The following RIMS2 variants were observed in gnomAD, a reference collection of about 807,000 sequenced individuals.
RIMS2 encodes regulating synaptic membrane exocytosis protein 2.
Under a neutral mutation model 174.4 loss-of-function variants are expected in RIMS2, and 59 were observed. That is an observed-to-expected ratio of 0.34 (90% CI 0.27 to 0.42). The LOEUF (loss-of-function observed/expected upper bound fraction) is 0.42. RIMS2 is among the 10% of genes least tolerant of loss of function. RIMS2 has a pLI of 1.00. For synonymous variants in RIMS2, 606 were observed against 572.5 expected (o/e 1.06, Z -0.84); for missense variants, 1,620 against 1,666.3 (o/e 0.97, Z 0.48).
intron 19 of RIMS2, among the ~76,000 whole-genome samples, chr8:104,016,905 G>C (rs2154554378): frequency 6.6e-6 from 1 of 151,880 alleles, no homozygotes; most frequent in Non-Finnish European, 1.5e-5. Context: ...TATTGTTTTT[G>C]TCCCTATAAA....
At chr8:104,116,288 T>C (rs1330859785) in intron 19 of RIMS2, among the ~76,000 whole-genome samples, 5 of 152,184 alleles carry the variant, frequency 3.3e-5, no homozygotes, top group Non-Finnish European at 5.9e-5. Flanking sequence ...CTATAAATTG[T>C]GTAGAATACT....
At chr8:103,768,215 ATGAC>A (rs1200418080) in intron 3 of RIMS2, 4 of 411,400 alleles carry the variant, frequency 9.7e-6, no homozygotes, top group Non-Finnish European at 1.8e-5. Flanking sequence ...GAGTGAATGA[ATGAC>A]TAAGTAAAAT....
chr8:103,548,544 A>G (rs895713464), intron 1 of RIMS2, among the ~76,000 whole-genome samples: 1 of 152,204 alleles, frequency 6.6e-6, no homozygotes, highest in African/African-American at 2.4e-5. Context: ...CATCTATGTA[A>G]AACATACAAC....
intron 1 of RIMS2, among the ~76,000 whole-genome samples, chr8:103,687,800 T>C (rs2096960836): frequency 6.6e-6 from 1 of 152,174 alleles, no homozygotes; most frequent in South Asian, 2.1e-4. Context: ...CTTAACATAA[T>C]GTCCTCTGAG....
chr8:103,768,629 G>T, intron 3 of RIMS2: 1 of 991,436 alleles, frequency 1.0e-6, no homozygotes, highest in Admixed American at 1.7e-5. Flanking sequence ...GTAAAAAAAG[G>T]AGATAAAAAT....
At chr8:103,946,656 G>A (rs1319889684) in intron 14 of RIMS2, among the ~76,000 whole-genome samples, 1 of 152,146 alleles carries the variant, frequency 6.6e-6, no homozygotes, top group African/African-American at 2.4e-5. Context: ...GCATGAATTA[G>A]AACACCCAGT....
chr8:104,254,136 TAAG>T (rs1409527345), downstream of RIMS2: 1 of 152,192 alleles, frequency 6.6e-6, no homozygotes, highest in Non-Finnish European at 1.5e-5. Flanking sequence ...CTAATTTTAA[TAAG>T]AAGGACGTGA....
At chr8:103,875,323 C>G (rs1408867901) in intron 3 of RIMS2, among the ~76,000 whole-genome samples, 1 of 151,750 alleles carries the variant, frequency 6.6e-6, no homozygotes, top group Non-Finnish European at 1.5e-5. Context: ...CGTTTTATAC[C>G]CATGGCTTAG....
rs879283630 is a variant in RIMS2, at chr8:103,774,799, A to G, written c.698+8262A>G. 1.5e-4 allele frequency among the ~76,000 whole-genome samples: 23 copies of G among 152,170 alleles called. 2 individuals are homozygous for G. Among genetic ancestry groups the G allele is most frequent in the Admixed American group, 1.2e-3 (19 of 15,276 alleles). ...TTCTGGGGTGATGAAAACCTTCTGTATCTTCATAGGGGTATGGATTACTGG... is the reference window on the plus strand; with the variant it reads ...TTCTGGGGTGATGAAAACCTTCTGTGTCTTCATAGGGGTATGGATTACTGG... On this transcript the variant is annotated intron_variant, in intron 3 of 23. Transcript: ENST00000504942.
At chr8:103,949,411 C>T (rs1053600942) in intron 14 of RIMS2, among the ~76,000 whole-genome samples, 8 of 151,982 alleles carry the variant, frequency 5.3e-5, no homozygotes, top group Non-Finnish European at 1.0e-4. Flanking sequence ...AAACAAGTAT[C>T]GATAAGTTTA....
intron 3 of RIMS2, among the ~76,000 whole-genome samples, chr8:103,852,751 G>A (rs1354320563): frequency 6.6e-6 from 1 of 151,858 alleles, no homozygotes; most frequent in Admixed American, 6.6e-5. Context: ...TCTTTTTTAT[G>A]GCTATGTAGT....
chr8:104,094,412 T>G (rs1598684786), intron 19 of RIMS2: 1 of 580,836 alleles, frequency 1.7e-6, no homozygotes, highest in Non-Finnish European at 3.0e-6. Flanking sequence ...TTCATAAGTG[T>G]TTTTTCTTGA....
intron 1 of RIMS2, among the ~76,000 whole-genome samples, chr8:103,530,745 G>A (rs1836654714): frequency 6.6e-6 from 1 of 151,710 alleles, no homozygotes. Context: ...TAATAATATA[G>A]GCTAAAATAT....
rs148188266 is a variant in RIMS2 at position 103,971,799 on chromosome 8, G to A, written c.2771-3551G>A. Among the ~76,000 whole-genome samples, 306 of 152,266 alleles carry A rather than the reference G, an allele frequency of 2.0e-3. 4 individuals carry two copies. The East Asian group carries it at 0.025, about 12-fold the overall frequency. On this transcript the variant is annotated intron_variant, in intron 15 of 23. Transcript: ENST00000504942. ...TTGGCCAGTCTGGTCTTGAACTCCT[G>A]ACCTCAAGTGATCTTCCCACCTTGG...
intron 19 of RIMS2, among the ~76,000 whole-genome samples, chr8:104,234,920 G>A (rs1341993851): frequency 6.6e-6 from 1 of 152,068 alleles, no homozygotes; most frequent in Non-Finnish European, 1.5e-5. Flanking sequence ...TGACAGCTAT[G>A]GTATAGTTTG....
chr8:103,754,123 G>A (rs978899116), intron 2 of RIMS2, among the ~76,000 whole-genome samples: 8 of 152,124 alleles, frequency 5.3e-5, no homozygotes, highest in Admixed American at 2.0e-4. Flanking sequence ...ATTCTGGTAC[G>A]TTGTTTCTTT....
intron 17 of RIMS2, among the ~76,000 whole-genome samples, chr8:103,993,895 A>G (rs139091603): frequency 2.3e-4 from 35 of 151,960 alleles, no homozygotes; most frequent in African/African-American, 8.2e-4. Context: ...AATAAATAAA[A>G]TTAGCCCAGG....
intron 19 of RIMS2, among the ~76,000 whole-genome samples, chr8:104,134,863 A>G (rs1423295372): frequency 6.6e-6 from 1 of 152,120 alleles, no homozygotes; most frequent in African/African-American, 2.4e-5. Context: ...TTCATCCTAA[A>G]TGTGTTGTTC....
At chr8:103,651,269 G>A (rs567288053) in intron 1 of RIMS2, among the ~76,000 whole-genome samples, 11 of 152,320 alleles carry the variant, frequency 7.2e-5, no homozygotes, top group African/African-American at 2.6e-4. Flanking sequence ...TTCTCTGAGG[G>A]TCAAGTTGTT....
Sources: gnomAD v4.1 joint callset for allele counts (sites outside exome capture counted in the v4.1 genomes callset) on GRCh38, gnomAD v4.1.1 for gene constraint, MANE v1.5 for transcripts, NCBI Gene and HGNC (gene_info 2026-07-23, HGNC 2026-07-21) for gene names.